HS6ST2: variants seen among roughly 807,000 people sequenced by gnomAD.
HS6ST2 encodes heparan sulfate 6-O-sulfotransferase 2.
In HS6ST2, 17 loss-of-function variants were observed where a neutral mutation model predicts 33.0. The ratio of observed to expected loss-of-function variants is 0.52; its 90% CI spans 0.35 to 0.77. The LOEUF (loss-of-function observed/expected upper bound fraction) is 0.77, where lower values mean the gene tolerates loss of function less well. Ranked by LOEUF, HS6ST2 falls within the 30% of genes least tolerant of loss-of-function variation. HS6ST2 has a pLI of 0.01. For missense variants in HS6ST2, 519 were observed against 551.7 expected, an observed-to-expected ratio of 0.94 and a Z score of 0.59; for synonymous variants, 248 against 237.1, an observed-to-expected ratio of 1.05 and a Z score of -0.42.
intron 2 of HS6ST2, among the ~76,000 whole-genome samples, chrX:132,792,869 C>T (rs1166682211): frequency 2.1e-5 from 2 of 94,998 alleles, no homozygotes; most frequent in East Asian, 2.9e-4. Context: ...TATGGATATA[C>T]CACATGTTGT....
intron 2 of HS6ST2, among the ~76,000 whole-genome samples, chrX:132,829,195 T>TAC (rs1455512283): frequency 1.4e-5 from 1 of 69,025 alleles, no homozygotes; most frequent in Non-Finnish European, 2.7e-5. Flanking sequence ...TATATATATA[T>TAC]ATATACATAC....
chrX:132,687,850 G>C (rs1050467921), intron 3 of HS6ST2, among the ~76,000 whole-genome samples: 2 of 111,241 alleles, frequency 1.8e-5, no homozygotes, highest in Admixed American at 1.9e-4. Flanking sequence ...CCAGGTGCAA[G>C]TGATTCTCCT....
chrX:132,637,613 C>T (rs192876451), intron 4 of HS6ST2, among the ~76,000 whole-genome samples: 269 of 101,099 alleles, frequency 2.7e-3, no homozygotes, highest in Non-Finnish European at 4.4e-3. Context: ...GCCAGAAAAC[C>T]CGTAGCAGTT....
chrX:132,927,880 GAAAAGAA>G (rs1647648511), intron 2 of HS6ST2, among the ~76,000 whole-genome samples: 1 of 104,346 alleles, frequency 9.6e-6, no homozygotes, highest in Admixed American at 1.0e-4. Flanking sequence ...AAAAAGAAAA[GAAAAGAA>G]AAAAGAAAAA....
At chrX:132,830,155 A>G (rs1225807253) in intron 2 of HS6ST2, among the ~76,000 whole-genome samples, 1 of 112,193 alleles carries the variant, frequency 8.9e-6, no homozygotes, top group Non-Finnish European at 1.9e-5. Context: ...AATTGGTATC[A>G]AGCCAGACAA....
chrX:132,811,255 A>T (rs2065339967), intron 2 of HS6ST2, among the ~76,000 whole-genome samples: 1 of 111,245 alleles, frequency 9.0e-6, no homozygotes, highest in African/African-American at 3.3e-5. Context: ...GCTATCTGTC[A>T]GCAGTGGAAA....
chrX:132,711,449 A>T (rs955260956), intron 2 of HS6ST2, among the ~76,000 whole-genome samples: 3 of 111,806 alleles, frequency 2.7e-5, no homozygotes, highest in Non-Finnish European at 5.6e-5. Context: ...AGGTTTTACC[A>T]ATGACTCATT....
chrX:132,771,341 A>G (rs1473238632), intron 2 of HS6ST2, among the ~76,000 whole-genome samples: 1 of 112,048 alleles, frequency 8.9e-6, no homozygotes, highest in Non-Finnish European at 1.9e-5. Context: ...ACAATGTATT[A>G]CTCTCAATAT....
intron 2 of HS6ST2, among the ~76,000 whole-genome samples, chrX:132,783,517 A>G (rs924722784): frequency 1.8e-5 from 2 of 111,226 alleles, no homozygotes; most frequent in African/African-American, 6.5e-5. Flanking sequence ...AGCAGCTGGA[A>G]CTTTCCCCTT....
chrX:132,901,247 C>T (rs2066423436), intron 2 of HS6ST2, among the ~76,000 whole-genome samples: 1 of 111,906 alleles, frequency 8.9e-6, no homozygotes, highest in Non-Finnish European at 1.9e-5. Context: ...GCCTAGATTC[C>T]TAACTCACTA....
intron 4 of HS6ST2, among the ~76,000 whole-genome samples, chrX:132,668,750 T>C (rs1246456770): frequency 8.9e-6 from 1 of 111,780 alleles, no homozygotes; most frequent in Non-Finnish European, 1.9e-5. Flanking sequence ...TTTCATGGAC[T>C]TTGTAAGTCA....
intron 2 of HS6ST2, among the ~76,000 whole-genome samples, chrX:132,916,591 GTGGC>G (rs2066594743): frequency 2.7e-5 from 3 of 112,094 alleles, no homozygotes; most frequent in African/African-American, 9.7e-5. Flanking sequence ...GGCTGCCAGC[GTGGC>G]TAGAACAAAG....
At chrX:132,897,478 A>T (rs984773045) in intron 2 of HS6ST2, among the ~76,000 whole-genome samples, 1 of 111,481 alleles carries the variant, frequency 9.0e-6, no homozygotes, top group Admixed American at 9.6e-5. Context: ...CTATATCTGA[A>T]TTTCCTCATC....
chrX:132,649,168 G>A (rs2063669753), intron 4 of HS6ST2, among the ~76,000 whole-genome samples: 1 of 112,004 alleles, frequency 8.9e-6, no homozygotes, highest in East Asian at 2.8e-4. Flanking sequence ...GAGATTCTTG[G>A]AAGGATGAGT....
At chrX:132,840,976 C>CT (rs1447782543) in intron 2 of HS6ST2, among the ~76,000 whole-genome samples, 4 of 112,128 alleles carry the variant, frequency 3.6e-5, no homozygotes, top group African/African-American at 1.3e-4. Flanking sequence ...GAGCTTAATT[C>CT]TTTTTCAAGT....
chrX:132,628,521 T>A lies in HS6ST2; in HGVS notation c.1640A>T (p.His547Leu). 1.6e-5 allele frequency: 19 copies of A among 1,211,420 alleles called. No individual in the cohort carries two copies. Among genetic ancestry groups the A allele is most frequent in the Non-Finnish European group, 2.1e-5 (19 of 895,415 alleles). Residue 547 changes from histidine (H) to leucine (L), a missense_variant, in exon 5 of 5, where the codon CAT (histidine) becomes CTT (leucine). Physicochemically the swap from His to Leu is moderately conservative, Grantham distance 99. Coordinates refer to ENST00000370833, the MANE Select transcript of HS6ST2 (RefSeq NM_001394073.1). ...QRYQFMRQKE[H>L]QEARRKRQEQ... ...CTGACGCTTTCGCCTGGCCTCCTGA[T>A]GCTCTTTCTGCCTCATAAACTGATA...
intron 4 of HS6ST2, among the ~76,000 whole-genome samples, chrX:132,650,687 C>T (rs1413295121): frequency 1.8e-5 from 2 of 108,751 alleles, no homozygotes; most frequent in Non-Finnish European, 3.8e-5. Flanking sequence ...CCCTTTTCCA[C>T]CTCAACCCAC....
At chrX:132,710,401 A>G (rs1179901359) in intron 2 of HS6ST2, among the ~76,000 whole-genome samples, 2 of 112,041 alleles carry the variant, frequency 1.8e-5, no homozygotes, top group African/African-American at 6.5e-5. Context: ...GTTTTATTAA[A>G]AAATATTTAT....
chrX:132,663,619 G>C (rs1448840999), intron 4 of HS6ST2, among the ~76,000 whole-genome samples: 2 of 112,783 alleles, frequency 1.8e-5, no homozygotes, highest in African/African-American at 6.4e-5. Flanking sequence ...TGTGATATTA[G>C]ACTTAGTCTA....
Sources: allele counts gnomAD v4.1 joint callset (sites outside exome capture counted in the v4.1 genomes callset), GRCh38; gene constraint gnomAD v4.1.1; transcripts MANE v1.5; gene names NCBI Gene and HGNC (gene_info 2026-07-23, HGNC 2026-07-21).